The following SYCP2 variants were observed in gnomAD, a reference collection of about 807,000 sequenced individuals.
The protein encoded by SYCP2 is synaptonemal complex protein 2.
Under a neutral mutation model 211.3 loss-of-function variants are expected in SYCP2, and 55 were observed. The ratio of observed to expected loss-of-function variants is 0.26; its 90% confidence interval spans 0.21 to 0.33. SYCP2 has a LOEUF of 0.33. Among genes scored for constraint, SYCP2 ranks in the 10% least tolerant of loss-of-function variants. The pLI is 1.00. For missense variants in SYCP2, 1,731 were observed against 1,752.0 expected (o/e 0.99, Z 0.21); for synonymous variants, 570 against 555.2 (o/e 1.03, Z -0.37).
intron 26 of SYCP2, among the ~76,000 whole-genome samples, chr20:59,883,956 C>A (rs1236799978): frequency 6.6e-6 from 1 of 151,874 alleles, no homozygotes; most frequent in Non-Finnish European, 1.5e-5. Flanking sequence ...ATTATAGTAA[C>A]CATTTCACTA....
chr20:59,881,346 C>T, intron 29 of SYCP2, 91 bp downstream of exon 29: 2 of 704,430 alleles, frequency 2.8e-6, no homozygotes, highest in South Asian at 1.9e-5. Context: ...TTTATTCACT[C>T]TTCTCATTTG....
chr20:59,918,543 C>T (rs1045054453), intron 7 of SYCP2, among the ~76,000 whole-genome samples: 1 of 152,180 alleles, frequency 6.6e-6, no homozygotes, highest in Non-Finnish European at 1.5e-5. Context: ...TTCCACATAA[C>T]CTTCAATTGG....
intron 31 of SYCP2, 35 bp from the exon 32 acceptor site, chr20:59,878,080 G>GT: frequency 6.9e-7 from 1 of 1,458,366 alleles, no homozygotes; most frequent in Non-Finnish European, 9.5e-7. Context: ...AATTTTCACA[G>GT]TAAATAAGAA....
intron 24 of SYCP2, among the ~76,000 whole-genome samples, chr20:59,888,562 G>A (rs968379545): frequency 6.6e-5 from 10 of 151,926 alleles, no homozygotes; most frequent in African/African-American, 2.4e-4. Context: ...GGTGAGAAAC[G>A]AGATGCTTTT....
At chr20:59,922,775 A>G (rs1158777633) in intron 2 of SYCP2, among the ~76,000 whole-genome samples, 4 of 151,712 alleles carry the variant, frequency 2.6e-5, no homozygotes, top group Admixed American at 6.6e-5. Flanking sequence ...ATTCCCTGCT[A>G]TACTTGTTCC....
rs531567595 is a variant in SYCP2, at chr20:59,900,379, A to G, written c.1258-95T>C. ...TGTCTTAAGCTCCTACTCATCTCAC[A>G]TATTCAATTATTTCCCTTTTCTATC... On this transcript the variant is annotated intron_variant, in intron 17 of 44. Transcript: ENST00000357552. 1.0e-5 allele frequency: 11 copies of G among 1,048,308 alleles called. No individual in the cohort carries two copies. In the African/African-American group the frequency reaches 1.8e-4, roughly 17 times the overall value. 64.9% of individuals were successfully genotyped at this position (1,048,308 alleles called of 1,614,324 possible).
intron 15 of SYCP2, among the ~76,000 whole-genome samples, 188 bp downstream of exon 15, chr20:59,907,176 T>C (rs1014386973): frequency 2.0e-5 from 3 of 152,114 alleles, no homozygotes; most frequent in East Asian, 3.9e-4. Context: ...AGGAGGTAAG[T>C]ACAGGGGTAG....
chr20:59,878,195 A>T, intron 31 of SYCP2, 150 bp from the exon 32 acceptor site: 1 of 583,844 alleles, frequency 1.7e-6, no homozygotes. Flanking sequence ...GTGAACCTCC[A>T]TGTGGCCTCA....
At chr20:59,909,411 T>G (rs1485316399) in intron 14 of SYCP2, among the ~76,000 whole-genome samples, 1 of 152,202 alleles carries the variant, frequency 6.6e-6, no homozygotes, top group Non-Finnish European at 1.5e-5. Flanking sequence ...CATCGTTATA[T>G]CTCAAAACCA....
At chr20:59,884,444 A>G (rs1408684793) in intron 26 of SYCP2, among the ~76,000 whole-genome samples, 1 of 152,134 alleles carries the variant, frequency 6.6e-6, no homozygotes, top group Non-Finnish European at 1.5e-5. Context: ...TATTAAAGAA[A>G]TGTACTATGA....
intron 31 of SYCP2, 110 bp from the exon 32 acceptor site, chr20:59,878,155 G>T: frequency 1.3e-6 from 1 of 798,832 alleles, no homozygotes; most frequent in Non-Finnish European, 1.9e-6. Context: ...AAAGTAGTAA[G>T]TTTTTAAAGC....
At chr20:59,911,958 G>C in intron 13 of SYCP2, 113 bp from the exon 14 acceptor site, 254 of 407,464 alleles carry the variant, frequency 6.2e-4, no homozygotes, top group East Asian at 6.8e-4. Context: ...GGAGAGAGAA[G>C]AGAAAGAACA....
rs1428221283 is a variant in SYCP2, at chr20:59,893,210, C to CA, written c.1736-12dup. On this transcript the variant is annotated splice_polypyrimidine_tract_variant and intron_variant, in intron 21 of 44. Coordinates refer to ENST00000357552, the MANE Select transcript of SYCP2 (RefSeq NM_014258.4). The stretch of plus-strand genomic sequence containing the variant: ...CATCCTGGAGTTCACCTAAATAAAA[C>CA]AAATATTATAATATTTTCATTTTTT... 4 of 1,575,022 alleles carry CA rather than the reference C, an allele frequency of 2.5e-6. No individual in the cohort carries two copies. The highest frequency in any genetic ancestry group is 1.1e-5 in the South Asian group (1 of 87,774).
At chr20:59,906,949 T>A (rs577316343) in intron 15 of SYCP2, among the ~76,000 whole-genome samples, 1 of 152,316 alleles carries the variant, frequency 6.6e-6, no homozygotes, top group Admixed American at 6.5e-5. Flanking sequence ...ACATGAGATA[T>A]TATTACATGT....
Position 59,866,332 on chromosome 20 carries a change from T to G in SYCP2, c.4281A>C (p.Lys1427Asn). 6.3e-7 allele frequency: 1 copy of G among 1,597,194 alleles called. No homozygotes were observed. Among genetic ancestry groups the G allele is most frequent in the African/African-American group, 1.4e-5 (1 of 74,036 alleles). ...IIIEELENFE[K>N]DSQSLKDLEK... The stretch of plus-strand genomic sequence containing the variant: ...CCAAATCTTTTAAAGACTGTGAATC[T>G]TTTTCAAAATTCTCCAGCTCCTCTA... The change falls in exon 41 of 45, where the codon AAA (lysine) becomes AAC (asparagine). Residue 1427 changes from lysine to asparagine, a missense_variant. Transcript: ENST00000357552.
intron 25 of SYCP2, 126 bp from the exon 26 acceptor site, chr20:59,886,090 A>G: frequency 1.5e-6 from 1 of 675,810 alleles, no homozygotes; most frequent in Non-Finnish European, 2.5e-6. Flanking sequence ...AAAATGTAAC[A>G]GTAATAGTCT....
At chr20:59,868,749 G>T in intron 37 of SYCP2, 86 bp downstream of exon 37, 1 of 1,316,476 alleles carries the variant, frequency 7.6e-7, no homozygotes, top group South Asian at 1.4e-5. Flanking sequence ...ATAACGGTAT[G>T]ACTTAAAATA....
intron 18 of SYCP2, among the ~76,000 whole-genome samples, chr20:59,898,821 A>T (rs1254902990): frequency 6.6e-6 from 1 of 152,182 alleles, no homozygotes; most frequent in East Asian, 1.9e-4. Context: ...GGGTAAAGGT[A>T]AAAAAATAAA....
intron 24 of SYCP2, among the ~76,000 whole-genome samples, chr20:59,888,629 T>C (rs2059842315): frequency 6.6e-6 from 1 of 152,054 alleles, no homozygotes; most frequent in Non-Finnish European, 1.5e-5. Context: ...CTTTTTAACA[T>C]TGTTCTGGAA....
Sources: allele counts gnomAD v4.1 joint callset (sites outside exome capture counted in the v4.1 genomes callset), GRCh38; gene constraint gnomAD v4.1.1; transcripts MANE v1.5; gene names NCBI Gene and HGNC (gene_info 2026-07-23, HGNC 2026-07-21).